Variants in MPP7 observed in about 807,000 individuals in gnomAD.
MPP7 encodes MAGUK p55 subfamily member 7.
Under a neutral mutation model 76.5 loss-of-function variants are expected in MPP7, and 60 were observed. That is an observed-to-expected ratio of 0.78 (90% CI 0.64 to 0.97). The LOEUF (loss-of-function observed/expected upper bound fraction) is 0.97. MPP7 is among the 50% of genes least tolerant of loss of function. MPP7 has a pLI of 0.00. For missense variants in MPP7, 641 were observed against 694.0 expected, an observed-to-expected ratio of 0.92 and a Z score of 0.86; for synonymous variants, 237 against 244.5, an observed-to-expected ratio of 0.97 and a Z score of 0.29.
intron 2 of MPP7, among the ~76,000 whole-genome samples, chr10:28,234,383 A>G (rs1838997843): frequency 6.6e-6 from 1 of 152,206 alleles, no homozygotes; most frequent in Non-Finnish European, 1.5e-5. Context: ...GAGAAAAGAC[A>G]AAGAATTCCA....
chr10:28,140,466 G>A (rs183536140), intron 5 of MPP7, among the ~76,000 whole-genome samples: 85 of 152,038 alleles, frequency 5.6e-4, no homozygotes, highest in Non-Finnish European at 8.8e-5. Flanking sequence ...AGCTGAGATC[G>A]CGCCACTGTA....
chr10:28,285,638 A>G (rs1282748719), intron 1 of MPP7, among the ~76,000 whole-genome samples: 3 of 152,224 alleles, frequency 2.0e-5, no homozygotes, highest in African/African-American at 7.2e-5. Flanking sequence ...AATGGTTATC[A>G]ATGGTCATGA....
At chr10:28,116,928 A>G (rs1834679724) in intron 11 of MPP7, among the ~76,000 whole-genome samples, 1 of 152,144 alleles carries the variant, frequency 6.6e-6, no homozygotes, top group Non-Finnish European at 1.5e-5. Context: ...GGTTGTTATT[A>G]TCATGGCTCC....
At chr10:28,296,976 T>G (rs78753714) in intron 1 of MPP7, among the ~76,000 whole-genome samples, 1 of 152,034 alleles carries the variant, frequency 6.6e-6, no homozygotes, top group Non-Finnish European at 1.5e-5. Context: ...TTAAAAAAAT[T>G]CAACTACTCA....
rs576571163 is a variant in MPP7 at position 28,231,185 on chromosome 10, T to C, written c.37+7383A>G. On this transcript the variant is annotated intron_variant, in intron 2 of 16. Coordinates refer to ENST00000683449, the MANE Select transcript of MPP7 (RefSeq NM_001318170.2). Reference sequence around the variant, plus strand: ...AAAATCAGTAACAAAAAAAAAAAAATGAAAAAAACTCTTATGTGAATATTT... The same window carrying C: ...AAAATCAGTAACAAAAAAAAAAAAACGAAAAAAACTCTTATGTGAATATTT... 4.8e-5 allele frequency among the ~76,000 whole-genome samples: 7 copies of C among 145,450 alleles called. 1 individual carries two copies. The highest frequency in any genetic ancestry group is 2.0e-4 in the Admixed American group (3 of 14,726).
intron 2 of MPP7, among the ~76,000 whole-genome samples, chr10:28,216,666 C>T (rs73608073): frequency 0.016 from 2,384 of 152,278 alleles, 73 homozygotes; most frequent in African/African-American, 0.052. Context: ...TAAACACACA[C>T]ACTGGAGATG....
At chr10:28,110,425 T>TC (rs1834471455) in intron 11 of MPP7, among the ~76,000 whole-genome samples, 1 of 152,104 alleles carries the variant, frequency 6.6e-6, no homozygotes, top group Non-Finnish European at 1.5e-5. Context: ...TGCCACCTGA[T>TC]CCCCCAAAGT....
At chr10:28,320,943 G>C (rs1004439489) in intron 2 of MPP7, among the ~76,000 whole-genome samples, 1 of 152,058 alleles carries the variant, frequency 6.6e-6, no homozygotes, top group African/African-American at 2.4e-5. Flanking sequence ...GGGGCAGACA[G>C]AGTGTCCCCC....
At chr10:28,239,358 G>T (rs1839190765) in intron 1 of MPP7, among the ~76,000 whole-genome samples, 1 of 151,804 alleles carries the variant, frequency 6.6e-6, no homozygotes, top group Non-Finnish European at 1.5e-5. Context: ...TGTTGGCCAG[G>T]CTGGTCTTGA....
chr10:28,177,274 A>G (rs1411246331), intron 3 of MPP7, among the ~76,000 whole-genome samples: 1 of 150,442 alleles, frequency 6.6e-6, no homozygotes, highest in East Asian at 1.9e-4. Context: ...AAAAAAAAAA[A>G]AAAAAAAAAA....
At chr10:28,323,828 A>G (rs1053310158) in intron 2 of MPP7, among the ~76,000 whole-genome samples, 2 of 152,192 alleles carry the variant, frequency 1.3e-5, no homozygotes, top group African/African-American at 4.8e-5. Flanking sequence ...TGAATATGGC[A>G]TAATACGCCA....
chr10:28,091,011 G>A (rs1408677781), intron 11 of MPP7, among the ~76,000 whole-genome samples: 1 of 151,946 alleles, frequency 6.6e-6, no homozygotes, highest in Non-Finnish European at 1.5e-5. Flanking sequence ...TAGCTAAGTG[G>A]TGGTGCACAC....
Position 28,058,555 on chromosome 10 carries a change from T to C in MPP7, c.1347A>G (p.Ile449Met). Residue 449 changes from isoleucine (I) to methionine (M), a missense_variant, in exon 15 of 17, where the codon ATA (isoleucine) becomes ATG (methionine). Transcript: ENST00000683449. The stretch of plus-strand genomic sequence containing the variant: ...TAGCAAGGACAGACCGAACTGAGTC[T>C]ATACTTGTGCCGTAGTAGTTGTTTT... ...EYKNNYYGTSIDSVRSVLAKN... is the reference protein window; with the variant it reads ...EYKNNYYGTSMDSVRSVLAKN... 6.2e-7 allele frequency: 1 copy of C among 1,606,774 alleles called. No homozygotes were observed. The highest frequency in any genetic ancestry group is 8.5e-7 in the Non-Finnish European group (1 of 1,176,242).
At chr10:28,264,357 T>C (rs1464805490) in intron 1 of MPP7, among the ~76,000 whole-genome samples, 3 of 151,852 alleles carry the variant, frequency 2.0e-5, no homozygotes, top group Admixed American at 6.6e-5. Context: ...AAGAGGAGCA[T>C]CAGAGCCAGG....
chr10:28,122,263 T>C (rs1834866032), intron 8 of MPP7, among the ~76,000 whole-genome samples: 1 of 152,186 alleles, frequency 6.6e-6, no homozygotes, highest in Non-Finnish European at 1.5e-5. Context: ...AAGGACTCAA[T>C]TGTTATTACT....
At chr10:28,278,385 G>A (rs568851074) in intron 1 of MPP7, among the ~76,000 whole-genome samples, 30 of 152,106 alleles carry the variant, frequency 2.0e-4, no homozygotes, top group South Asian at 4.1e-4. Flanking sequence ...TCAGACTTTC[G>A]ACTTACTGGT....
chr10:28,284,624 T>G (rs1840753042), intron 1 of MPP7, among the ~76,000 whole-genome samples: 1 of 152,180 alleles, frequency 6.6e-6, no homozygotes, highest in South Asian at 2.1e-4. Context: ...TTATTGTCTA[T>G]CAGACATTTC....
chr10:28,205,327 G>GT (rs1472650168), intron 2 of MPP7, among the ~76,000 whole-genome samples: 7 of 152,158 alleles, frequency 4.6e-5, no homozygotes, highest in Admixed American at 1.3e-4. Flanking sequence ...GTTTTAACAT[G>GT]TTTTTTAAAA....
chr10:28,326,666 C>A (rs1834418781), intron 2 of MPP7, among the ~76,000 whole-genome samples: 1 of 152,194 alleles, frequency 6.6e-6, no homozygotes, highest in Non-Finnish European at 1.5e-5. Flanking sequence ...CTTGAAAATA[C>A]ATTTTTCAAA....
Sources: gnomAD v4.1 joint callset for allele counts (sites outside exome capture counted in the v4.1 genomes callset) on GRCh38, gnomAD v4.1.1 for gene constraint, MANE v1.5 for transcripts, NCBI Gene and HGNC (gene_info 2026-07-23, HGNC 2026-07-21) for gene names.